The following RORA variants were observed in gnomAD, a reference collection of about 807,000 sequenced individuals.
RORA encodes RAR related orphan receptor A.
Under a neutral mutation model 69.5 loss-of-function variants are expected in RORA, and 7 were observed. The observed-to-expected ratio is 0.10, with a 90% CI of 0.06 to 0.19. The LOEUF is 0.19. Among genes scored for constraint, RORA ranks in the 10% least tolerant of loss-of-function variants. The pLI is 1.00. For missense variants in RORA, 457 were observed against 663.0 expected, an observed-to-expected ratio of 0.69 and a Z score of 3.41; for synonymous variants, 261 against 240.8, an observed-to-expected ratio of 1.08 and a Z score of -0.78.
chr15:61,066,418 CTTT>C (rs1168663714), intron 1 of RORA, among the ~76,000 whole-genome samples: 5 of 80,916 alleles, frequency 6.2e-5, no homozygotes, highest in African/African-American at 2.0e-4. Context: ...GGGCATATTC[CTTT>C]TTTTTTTTTT....
At chr15:60,509,866 AG>A (rs1183199263) in intron 5 of RORA, among the ~76,000 whole-genome samples, 7 of 152,132 alleles carry the variant, frequency 4.6e-5, no homozygotes, top group Non-Finnish European at 8.8e-5. Flanking sequence ...GTTAATCAAA[AG>A]AGCTGCAATA....
intron 2 of RORA, among the ~76,000 whole-genome samples, chr15:60,677,742 G>A (rs2140747128): frequency 6.6e-6 from 1 of 152,246 alleles, no homozygotes; most frequent in South Asian, 2.1e-4. Flanking sequence ...AATTTAAAGT[G>A]TAATTAGGAA....
intron 1 of RORA, among the ~76,000 whole-genome samples, chr15:61,078,016 G>C (rs2140641706): frequency 6.6e-6 from 1 of 152,270 alleles, no homozygotes; most frequent in East Asian, 1.9e-4. Flanking sequence ...CCTCGGTGAA[G>C]AGAGCAAGCA....
chr15:61,191,597 T>G (rs1338313077), intron 1 of RORA, among the ~76,000 whole-genome samples: 1 of 152,212 alleles, frequency 6.6e-6, no homozygotes, highest in Non-Finnish European at 1.5e-5. Flanking sequence ...CTTTAAAATA[T>G]TCATCTTCCC....
At position 61,200,382 on chromosome 15, in the gene RORA, A is replaced by G. The variant is rs112141888; in HGVS notation, c.166+28671T>C. Among the ~76,000 whole-genome samples the G allele has an allele frequency of 2.2e-3, 338 of 152,152 alleles. 3 individuals are homozygous for G. The highest frequency in any genetic ancestry group is 3.4e-3 in the Middle Eastern group (1 of 294). ...GGCATGCAGAGTGGTGTCATGTTGT[A>G]CCCCAAATAAAAGGGCAATAAATTA... On this transcript the variant is annotated intron_variant, in intron 1 of 10. Transcript: ENST00000335670.
At chr15:61,099,392 C>T (rs2078844802) in intron 1 of RORA, among the ~76,000 whole-genome samples, 1 of 152,170 alleles carries the variant, frequency 6.6e-6, no homozygotes, top group South Asian at 2.1e-4. Flanking sequence ...TATACTGTCC[C>T]CCACTAAATC....
chr15:60,691,593 C>T (rs57298309), intron 1 of RORA, among the ~76,000 whole-genome samples: 11 of 152,202 alleles, frequency 7.2e-5, no homozygotes, highest in Non-Finnish European at 7.4e-5. Flanking sequence ...CTGAGAAGGT[C>T]GGGGACATCT....
chr15:60,864,048 G>A (rs7165952), intron 1 of RORA, among the ~76,000 whole-genome samples: 137,643 of 152,036 alleles, frequency 0.91, 63,236 homozygotes, highest in East Asian at 1. Flanking sequence ...CTCGTGATCC[G>A]CCTGCCACAG....
chr15:60,566,084 T>C (rs929684167), intron 2 of RORA, among the ~76,000 whole-genome samples: 4 of 152,224 alleles, frequency 2.6e-5, no homozygotes, highest in Admixed American at 6.6e-5. Context: ...GGTGATGTGA[T>C]CAAGATTAAT....
Position 60,817,229 on chromosome 15 carries a change from G to A in RORA, c.167-138543C>T, listed in dbSNP as rs118059333. Among the ~76,000 whole-genome samples, 931 of 152,218 alleles carry A rather than the reference G, an allele frequency of 6.1e-3. 11 individuals are homozygous for A. Among genetic ancestry groups the A allele is most frequent in the Middle Eastern group, 0.054 (16 of 294 alleles). ...AGACCACGGCAATAAAGCAAATATC[G>A]CCATCAAGTCACACAATTTTTTTGG... On this transcript the variant is annotated intron_variant, in intron 1 of 10. Coordinates refer to ENST00000335670, the MANE Select transcript of RORA (RefSeq NM_134261.3).
chr15:60,681,264 GTTATA>G (rs2070638826), intron 1 of RORA, among the ~76,000 whole-genome samples: 1 of 152,186 alleles, frequency 6.6e-6, no homozygotes, highest in Admixed American at 6.5e-5. Flanking sequence ...TCTGTGGAAA[GTTATA>G]TTAAACTGGA....
intron 1 of RORA, among the ~76,000 whole-genome samples, chr15:61,153,060 G>T (rs571273516): frequency 6.6e-6 from 1 of 152,234 alleles, no homozygotes; most frequent in South Asian, 2.1e-4. Context: ...GGGGGAAAAG[G>T]TGTCCTGATT....
intron 1 of RORA, among the ~76,000 whole-genome samples, chr15:60,800,760 G>C (rs537127191): frequency 6.6e-6 from 1 of 152,224 alleles, no homozygotes; most frequent in South Asian, 2.1e-4. Context: ...CCAGGACCCA[G>C]TTCATATGCC....
chr15:60,653,803 A>G (rs1258829634), intron 2 of RORA, among the ~76,000 whole-genome samples: 3 of 151,504 alleles, frequency 2.0e-5, no homozygotes, highest in African/African-American at 7.3e-5. Flanking sequence ...CTCTGATATC[A>G]TATTTCCTAC....
At chr15:61,059,982 GGAAGAGGAAGAA>G (rs1172635653) in intron 1 of RORA, among the ~76,000 whole-genome samples, 435 of 77,368 alleles carry the variant, frequency 5.6e-3, no homozygotes, top group East Asian at 0.023. Context: ...AAGAGGAAGA[GGAAGAGGAAGAA>G]GAAGAAGAAG....
rs1322134433 is a variant in RORA, at chr15:60,907,648, G to C, written c.167-228962C>G. On this transcript the variant is annotated intron_variant, in intron 1 of 10. Transcript: ENST00000335670. ...CTGTTAGGACTCAGGCACCCATGTTGTCACAAAGCCATCTCTTGATAAAAG... is the reference window on the plus strand; with the variant it reads ...CTGTTAGGACTCAGGCACCCATGTTCTCACAAAGCCATCTCTTGATAAAAG... Among the ~76,000 whole-genome samples, 4 of 152,176 alleles carry C rather than the reference G, an allele frequency of 2.6e-5. No homozygotes were observed. The East Asian group carries it at 7.7e-4, about 29-fold the overall frequency.
intron 1 of RORA, among the ~76,000 whole-genome samples, chr15:60,918,495 G>A (rs944905968): frequency 2.0e-5 from 3 of 152,154 alleles, no homozygotes; most frequent in Non-Finnish European, 2.9e-5. Flanking sequence ...TGGTAATTAC[G>A]ATTGGAATTG....
At chr15:60,842,577 G>C (rs1022479560) in intron 1 of RORA, among the ~76,000 whole-genome samples, 3 of 152,138 alleles carry the variant, frequency 2.0e-5, no homozygotes, top group African/African-American at 7.2e-5. Context: ...GGCTGACAGT[G>C]GGTCAGTGGT....
At chr15:61,035,943 T>C (rs1217129530) in intron 1 of RORA, among the ~76,000 whole-genome samples, 1 of 152,038 alleles carries the variant, frequency 6.6e-6, no homozygotes, top group Non-Finnish European at 1.5e-5. Flanking sequence ...GACATGGACA[T>C]AAATGCTAAG....
Sources: allele counts gnomAD v4.1 joint callset (sites outside exome capture counted in the v4.1 genomes callset), GRCh38; gene constraint gnomAD v4.1.1; transcripts MANE v1.5; gene names NCBI Gene and HGNC (gene_info 2026-07-23, HGNC 2026-07-21).